Variants in EPHA5 observed in about 807,000 individuals in gnomAD.
EPHA5 encodes EPH receptor A5.
In EPHA5, 60 loss-of-function variants were observed where a neutral mutation model predicts 105.0. The observed-to-expected ratio is 0.57, with a 90% CI of 0.46 to 0.71. The LOEUF is 0.71. EPHA5 is among the 30% of genes least tolerant of loss of function. EPHA5 has a pLI of 0.00. For missense variants in EPHA5, 1,218 were observed against 1,274.7 expected, an observed-to-expected ratio of 0.96 and a Z score of 0.68; for synonymous variants, 513 against 449.1, an observed-to-expected ratio of 1.14 and a Z score of -1.80.
chr4:65,366,889 G>A (rs1233513741), intron 9 of EPHA5, among the ~76,000 whole-genome samples: 1 of 151,492 alleles, frequency 6.6e-6, no homozygotes, highest in Non-Finnish European at 1.5e-5. Context: ...ATTTTTTAAA[G>A]CAAGGTCTTT....
chr4:65,473,972 T>C (rs73222156), intron 5 of EPHA5, among the ~76,000 whole-genome samples: 4,241 of 150,850 alleles, frequency 0.028, 198 homozygotes, highest in African/African-American at 0.098. Context: ...ATGAATTCTT[T>C]TTACACTTGG....
intron 8 of EPHA5, among the ~76,000 whole-genome samples, chr4:65,392,068 G>A (rs1394823822): frequency 3.9e-5 from 6 of 152,084 alleles, no homozygotes; most frequent in Non-Finnish European, 7.4e-5. Context: ...CAGTTTCCTA[G>A]GACGGTTTAC....
intron 8 of EPHA5, among the ~76,000 whole-genome samples, chr4:65,399,426 C>A (rs901662563): frequency 6.6e-6 from 1 of 152,132 alleles, no homozygotes; most frequent in African/African-American, 2.4e-5. Flanking sequence ...CCTGCCAGGG[C>A]GAGTGGGCAG....
At chr4:65,394,228 T>C (rs1286148988) in intron 8 of EPHA5, among the ~76,000 whole-genome samples, 1 of 152,214 alleles carries the variant, frequency 6.6e-6, no homozygotes, top group African/African-American at 2.4e-5. Context: ...GTTTTATTCA[T>C]ATTTCTGATA....
chr4:65,361,036 C>T (rs1717257277), intron 11 of EPHA5, among the ~76,000 whole-genome samples: 1 of 151,652 alleles, frequency 6.6e-6, no homozygotes. Flanking sequence ...TCATTCAACA[C>T]ATATATAAAG....
intron 3 of EPHA5, among the ~76,000 whole-genome samples, chr4:65,581,305 C>T (rs552320636): frequency 6.6e-6 from 1 of 151,786 alleles, no homozygotes; most frequent in East Asian, 1.9e-4. Context: ...AGTATGTATA[C>T]ATGTTAATAA....
intron 3 of EPHA5, among the ~76,000 whole-genome samples, chr4:65,535,074 C>T (rs1179520864): frequency 1.3e-5 from 2 of 152,080 alleles, no homozygotes; most frequent in African/African-American, 4.8e-5. Context: ...GAACAGAGTC[C>T]ACATGCTACA....
chr4:65,614,183 G>T (rs867813530), intron 2 of EPHA5, among the ~76,000 whole-genome samples: 5 of 151,738 alleles, frequency 3.3e-5, no homozygotes, highest in Admixed American at 6.6e-5. Context: ...TGTTGCTTAG[G>T]TTATCAATCA....
intron 5 of EPHA5, among the ~76,000 whole-genome samples, chr4:65,447,464 A>AAC (rs1399525647): frequency 6.6e-6 from 1 of 150,470 alleles, no homozygotes; most frequent in Non-Finnish European, 1.5e-5. Flanking sequence ...ATATATTAGA[A>AAC]ACACATATAT....
chr4:65,434,895 T>C (rs1285054525), intron 5 of EPHA5, among the ~76,000 whole-genome samples: 1 of 152,144 alleles, frequency 6.6e-6, no homozygotes, highest in Non-Finnish European at 1.5e-5. Flanking sequence ...TATGTGATTT[T>C]TTCAGCCTGT....
intron 5 of EPHA5, among the ~76,000 whole-genome samples, chr4:65,471,716 G>A (rs1729301986): frequency 6.6e-6 from 1 of 152,136 alleles, no homozygotes; most frequent in African/African-American, 2.4e-5. Context: ...TCTCATGATA[G>A]ATTTTTCATC....
At chr4:65,548,963 C>A (rs11935018) in intron 3 of EPHA5, among the ~76,000 whole-genome samples, 36,874 of 151,986 alleles carry the variant, frequency 0.24, 4,600 homozygotes, top group African/African-American at 0.28. Context: ...AAATTATTTG[C>A]CTCTAACCTA....
At chr4:65,569,548 G>T (rs1321529904) in intron 3 of EPHA5, among the ~76,000 whole-genome samples, 2 of 151,408 alleles carry the variant, frequency 1.3e-5, no homozygotes, top group Non-Finnish European at 3.0e-5. Context: ...CTTGAATCTG[G>T]ACCAGATAAA....
chr4:65,420,675 A>ATCC, intron 5 of EPHA5, 110 bp from the exon 6 acceptor site: 1 of 1,045,988 alleles, frequency 9.6e-7, no homozygotes, highest in Middle Eastern at 3.0e-4. Context: ...TATAAAAAAA[A>ATCC]TCCCAATTAA....
intron 1 of EPHA5, among the ~76,000 whole-genome samples, chr4:65,658,475 T>C (rs984744762): frequency 1.3e-5 from 2 of 152,216 alleles, no homozygotes; most frequent in East Asian, 1.9e-4. Flanking sequence ...TTGCAATGAA[T>C]ATTAGACAGT....
chr4:65,335,962 C>A lies in EPHA5; in HGVS notation c.2759G>T (p.Ser920Ile). 6.2e-7 allele frequency: 1 copy of A among 1,612,380 alleles called. No individual in the cohort carries two copies. Among genetic ancestry groups the A allele is most frequent in the Non-Finnish European group, 8.5e-7 (1 of 1,179,032 alleles). Residue 920 changes from serine to isoleucine, a missense_variant, in exon 15 of 17, where the codon AGT (serine) becomes ATT (isoleucine). Physicochemically the swap from Ser to Ile is moderately radical, Grantham distance 142. Around this residue, in one of 3 missense-constraint regions of EPHA5, gnomAD observed 971 missense variants for 1,013.5 expected, o/e 0.96. Transcript: ENST00000613740. Reference protein sequence around the residue: ...MLDKLIRNPSSLKTLVNASCR... With the variant: ...MLDKLIRNPSILKTLVNASCR... ...GGATGCATTAACCAGCGTCTTCAGA[C>A]TACTTGGGTTACGTATCAGCTTGTC...
rs187961271 is a variant in EPHA5, at chr4:65,492,467, G to A, written c.1067-1755C>T. On this transcript the variant is annotated intron_variant, in intron 4 of 16. Coordinates refer to ENST00000613740, the MANE Select transcript of EPHA5 (RefSeq NM_001281766.3). The stretch of plus-strand genomic sequence containing the variant: ...TCCACCCGCCTGGGCCTCCCACAGT[G>A]CTGAGATTACAGACGTGAGCCACCG... Among the ~76,000 whole-genome samples the A allele has an allele frequency of 1.0e-3, 153 of 147,668 alleles. 1 individual carries two copies. The highest frequency in any genetic ancestry group is 4.2e-3 in the Admixed American group (61 of 14,402).
intron 2 of EPHA5, among the ~76,000 whole-genome samples, chr4:65,635,195 A>G (rs1453431797): frequency 6.6e-6 from 1 of 152,120 alleles, no homozygotes; most frequent in Non-Finnish European, 1.5e-5. Flanking sequence ...TAAAACAAGA[A>G]AAGCCATAAA....
chr4:65,455,009 G>T (rs930113565), intron 5 of EPHA5, among the ~76,000 whole-genome samples: 1 of 152,074 alleles, frequency 6.6e-6, no homozygotes, highest in Non-Finnish European at 1.5e-5. Flanking sequence ...ACTTTGGGAG[G>T]CCGAGGCGGG....
Sources: gnomAD v4.1 joint callset for allele counts (sites outside exome capture counted in the v4.1 genomes callset) on GRCh38, gnomAD v4.1.1 for gene constraint, gnomAD v4.1.1 regional missense constraint, MANE v1.5 for transcripts, NCBI Gene and HGNC (gene_info 2026-07-23, HGNC 2026-07-21) for gene names.